The following UMODL1 variants were observed in gnomAD, a reference collection of about 807,000 sequenced individuals.
The protein encoded by UMODL1 is uromodulin like 1, also known as uromodulin-like 1.
A neutral mutation model predicts 136.3 loss-of-function variants in UMODL1; 128 were observed. That is an observed-to-expected ratio of 0.94 (90% CI 0.81 to 1.09). UMODL1 has a LOEUF of 1.09. Ranked by LOEUF, UMODL1 falls within the 50% of genes least tolerant of loss-of-function variation. UMODL1 has a pLI of 0.00. For missense variants in UMODL1, 1,766 were observed against 1,725.6 expected (o/e 1.02, Z -0.41); for synonymous variants, 721 against 720.0 (o/e 1.00, Z -0.02).
Position 42,127,719 on chromosome 21 carries a change from C to T in UMODL1, c.3578C>T (p.Ser1193Phe), listed in dbSNP as rs1409470450. 2 of 1,614,186 alleles carry T rather than the reference C, an allele frequency of 1.2e-6. No individual in the cohort carries two copies. The highest frequency in any genetic ancestry group is 1.7e-6 in the Non-Finnish European group (2 of 1,180,036). Residue 1193 changes from serine to phenylalanine, a missense_variant, in exon 20 of 23, where the codon TCC (serine) becomes TTC (phenylalanine). By Grantham distance (155) the Ser-to-Phe change is radical. Transcript: ENST00000408910. ...ACCAACGTGATTGAGAACGGCAACT[C>T]CAATAAGGCCCAGTTCAAGCTGAGG... ...TYTNVIENGNSNKAQFKLRIF... is the reference protein window; with the variant it reads ...TYTNVIENGNFNKAQFKLRIF...
At chr21:42,071,555 T>C (rs1400947020) in intron 1 of UMODL1, among the ~76,000 whole-genome samples, 163 bp downstream of exon 1, 1 of 152,116 alleles carries the variant, frequency 6.6e-6, no homozygotes, top group East Asian at 1.9e-4. Context: ...TAAGCGCACA[T>C]GGTAGCAGCT....
rs761019675 is a variant in UMODL1 at position 42,137,548 on chromosome 21, C to G, written c.3885C>G (p.Tyr1295Ter). ...CAGCCACCCTTCTGATCGTGCGCTA[C>G]CAGAGAATGAATGGGAGATACAACT... ...AGTATLLIVRYQRMNGRYNFK... is the reference protein window; with the variant it reads ...AGTATLLIVR The change falls in exon 22 of 23, where the codon TAC becomes TAG. Residue 1295 changes from tyrosine to a stop codon, truncating the protein, a stop_gained. Transcript: ENST00000408910. LOFTEE classifies it high-confidence loss of function. 2 of 1,614,182 alleles carry G rather than the reference C, an allele frequency of 1.2e-6. No homozygotes were observed. The highest frequency in any genetic ancestry group is 1.3e-5 in the African/African-American group (1 of 75,038).
Position 42,115,957 on chromosome 21 carries a change from G to A in UMODL1, c.2447G>A (p.Arg816Gln). The A allele has an allele frequency of 3.1e-6, 5 of 1,613,686 alleles. No homozygotes were observed. Among genetic ancestry groups the A allele is most frequent in the African/African-American group, 1.3e-5 (1 of 74,948 alleles). Residue 816 changes from arginine to glutamine, a missense_variant, in exon 14 of 23, where the codon CGA (arginine) becomes CAA (glutamine). Physicochemically the swap from Arg to Gln is conservative, Grantham distance 43. Transcript: ENST00000408910. ...SFRNASSQEY[R>Q]DFLELFFRMV... Reference sequence around the variant, plus strand: ...CGCAACGCAAGCAGCCAGGAGTATCGAGATTTCCTAGAACTATTCTTCAGG... The same window carrying A: ...CGCAACGCAAGCAGCCAGGAGTATCAAGATTTCCTAGAACTATTCTTCAGG...
chr21:42,094,520 A>G (rs980484087), intron 6 of UMODL1, among the ~76,000 whole-genome samples: 1 of 152,182 alleles, frequency 6.6e-6, no homozygotes, highest in African/African-American at 2.4e-5. Context: ...GCCTTGGGTC[A>G]TACAAACCCA....
intron 13 of UMODL1, among the ~76,000 whole-genome samples, chr21:42,115,453 G>A (rs1601247002): frequency 6.6e-6 from 1 of 152,240 alleles, no homozygotes; most frequent in Non-Finnish European, 1.5e-5. Flanking sequence ...CCTGGCCAGG[G>A]CCCTAAGTCC....
intron 15 of UMODL1, 125 bp from the exon 16 acceptor site, chr21:42,120,962 C>T: frequency 8.0e-7 from 1 of 1,247,118 alleles, no homozygotes; most frequent in Non-Finnish European, 1.1e-6. Context: ...GTGAGCTTGA[C>T]TGCAGTCTGC....
chr21:42,073,180 A>G (rs534486909), intron 1 of UMODL1, among the ~76,000 whole-genome samples: 1 of 152,318 alleles, frequency 6.6e-6, no homozygotes, highest in African/African-American at 2.4e-5. Flanking sequence ...TGCTCAGGTT[A>G]CGATGAAAAA....
rs2066397744 is a variant in UMODL1 at position 42,084,195 on chromosome 21, A to C, written c.431A>C (p.Lys144Thr). 1 of 1,613,830 alleles carries C rather than the reference A, an allele frequency of 6.2e-7. No homozygotes were observed. Reference protein sequence around the residue: ...SLDIDCPGLEKCCPWSGGRYC... With the variant: ...SLDIDCPGLETCCPWSGGRYC... Reference sequence around the variant, plus strand: ...GACATCGACTGTCCTGGACTTGAGAAGTGCTGCCCCTGGTCAGGGGGGCGC... The same window carrying C: ...GACATCGACTGTCCTGGACTTGAGACGTGCTGCCCCTGGTCAGGGGGGCGC... The change falls in exon 3 of 23, where the codon AAG (lysine) becomes ACG (threonine). Residue 144 changes from lysine to threonine, a missense_variant. Coordinates refer to ENST00000408910, the MANE Select transcript of UMODL1 (RefSeq NM_001004416.3).
At chr21:42,075,949 C>T (rs2066285436) in intron 1 of UMODL1, 56 bp from the exon 2 acceptor site, 1 of 1,599,962 alleles carries the variant, frequency 6.3e-7, no homozygotes, top group Admixed American at 1.7e-5. Context: ...CGGATAACCG[C>T]TCGCACGGAT....
chr21:42,128,097 C>G lies in UMODL1; in HGVS notation c.3690+266C>G, dbSNP rs980285832. 28 of 573,710 alleles carry G rather than the reference C, an allele frequency of 4.9e-5. 2 individuals are homozygous for G. Among genetic ancestry groups the G allele is most frequent in the Admixed American group, 2.0e-4 (9 of 45,982 alleles). 35.5% of individuals were successfully genotyped at this position (573,710 alleles called of 1,614,324 possible). A position where few individuals can be genotyped will look rare whatever the true frequency, so the allele number is the denominator to read the frequency against. Reference sequence around the variant, plus strand: ...TCCTTCTTGAGGCCATAATATTCAACCGGCTGTCGCGTCAGCACTGCCTTG... The same window carrying G: ...TCCTTCTTGAGGCCATAATATTCAAGCGGCTGTCGCGTCAGCACTGCCTTG... On this transcript the variant is annotated intron_variant, in intron 20 of 22. Transcript: ENST00000408910.
At chr21:42,081,542 A>G (rs928696603) in intron 2 of UMODL1, among the ~76,000 whole-genome samples, 1 of 152,214 alleles carries the variant, frequency 6.6e-6, no homozygotes, top group Non-Finnish European at 1.5e-5. Context: ...GCCAGTTAAG[A>G]TGCAAACCTT....
rs2066897643 is a variant in UMODL1, at chr21:42,116,038, G to C, written c.2475+53G>C. ...CCTTTCAGGAGGGAAAGGGTGGAAG[G>C]CTGATAGAATTCTAGGTTAGGCACG... On this transcript the variant is annotated intron_variant, in intron 14 of 22. Coordinates refer to ENST00000408910, the MANE Select transcript of UMODL1 (RefSeq NM_001004416.3). 2.0e-6 allele frequency: 3 copies of C among 1,498,018 alleles called. No individual in the cohort carries two copies. The African/African-American group carries it at 4.1e-5, about 21-fold the overall frequency. 92.8% of individuals were successfully genotyped at this position (1,498,018 alleles called of 1,614,324 possible). A position where few individuals can be genotyped will look rare whatever the true frequency, so the allele number is the denominator to read the frequency against.
chr21:42,136,956 C>T (rs1169430564), intron 21 of UMODL1, among the ~76,000 whole-genome samples: 5 of 152,122 alleles, frequency 3.3e-5, no homozygotes, highest in Admixed American at 3.3e-4. Context: ...CGGGGTTTCA[C>T]CATGTGGGCC....
In UMODL1 at chr21:42,127,167, T is replaced by G. The variant is rs1211580335; in HGVS notation, c.3455T>G (p.Val1152Gly). The G allele has an allele frequency of 6.2e-7, 1 of 1,614,108 alleles. No homozygotes were observed. Among genetic ancestry groups the G allele is most frequent in the Admixed American group, 1.7e-5 (1 of 60,016 alleles). ...TACAGGCAGAAAAGCAACCTCAAGG[T>G]GGTCCTGACGGAGTGCTGGGCAACC... is the stretch of plus-strand genomic sequence containing the variant. ...GLYRQKSNLK[V>G]VLTECWATPS... Residue 1152 changes from valine to glycine, a missense_variant, in exon 19 of 23, where the codon GTG (valine) becomes GGG (glycine). Val to Gly is a moderately radical substitution (Grantham distance 109). Transcript: ENST00000408910.
At chr21:42,129,506 G>T (rs758881745) in intron 20 of UMODL1, among the ~76,000 whole-genome samples, 6 of 152,068 alleles carry the variant, frequency 3.9e-5, no homozygotes, top group Non-Finnish European at 7.4e-5. Flanking sequence ...CCCCGCTGAC[G>T]CCTGGGCCTG....
rs1484298822 is a variant in UMODL1 at position 42,127,702 on chromosome 21, G to A, written c.3561G>A (p.Val1187=). The change falls in exon 20 of 23, where the codon GTG becomes GTA. Residue 1187 remains valine (V), a synonymous_variant. Coordinates refer to ENST00000408910, the MANE Select transcript of UMODL1 (RefSeq NM_001004416.3). The part of the protein sequence containing the change: ...SCPVPNTYTN[V]IENGNSNKAQ... ...CTGTGCCCAACACATACACCAACGT[G>A]ATTGAGAACGGCAACTCCAATAAGG... 1.9e-6 allele frequency: 3 copies of A among 1,614,106 alleles called. No individual in the cohort carries two copies. Among genetic ancestry groups the A allele is most frequent in the Non-Finnish European group, 2.5e-6 (3 of 1,180,016 alleles).
intron 20 of UMODL1, chr21:42,128,075 T>C (rs1483320531): frequency 1.6e-6 from 1 of 616,334 alleles, no homozygotes; most frequent in South Asian, 1.5e-5. Context: ...GCTGAGTTCC[T>C]TCTTGAGGCC....
In UMODL1 at chr21:42,099,596, G is replaced by A. The variant is rs1270391746; in HGVS notation, c.1186+416G>A. Among the ~76,000 whole-genome samples the A allele has an allele frequency of 6.6e-6, 1 of 152,192 alleles. No individual in the cohort carries two copies. Among genetic ancestry groups the A allele is most frequent in the Admixed American group, 6.5e-5 (1 of 15,278 alleles). ...GCCGTCTAAGTTCCCTCCCCGAGAG[G>A]GGAGCATCGCTGACGTTTTCACGCC... On this transcript the variant is annotated intron_variant, in intron 7 of 22. Transcript: ENST00000408910. This position sits in a 1 kb window ranked among gnomAD's most constrained non-coding sequence, Gnocchi z 4.1.
chr21:42,106,735 T>C lies in UMODL1; in HGVS notation c.1519+2648T>C, dbSNP rs369672687. ...CAAACCTCCTGCTCACTTTGCCCCATAGGAAGAGGTTAGAGTGAGGCGGAA... is the reference window on the plus strand; with the variant it reads ...CAAACCTCCTGCTCACTTTGCCCCACAGGAAGAGGTTAGAGTGAGGCGGAA... On this transcript the variant is annotated intron_variant, in intron 9 of 22. Coordinates refer to ENST00000408910, the MANE Select transcript of UMODL1 (RefSeq NM_001004416.3). Among the ~76,000 whole-genome samples the C allele has an allele frequency of 9.8e-5, 15 of 152,286 alleles. 3 individuals carry two copies. Among genetic ancestry groups the C allele is most frequent in the Admixed American group, 2.0e-4 (3 of 15,296 alleles).
Sources: gnomAD v4.1 joint callset for allele counts (sites outside exome capture counted in the v4.1 genomes callset) on GRCh38, gnomAD v4.1.1 for gene constraint, Gnocchi (gnomAD v3.1) non-coding constraint, MANE v1.5 for transcripts, NCBI Gene and HGNC (gene_info 2026-07-23, HGNC 2026-07-21) for gene names.